ADAM32: variants seen among roughly 807,000 people sequenced by gnomAD.
ADAM32 encodes the protein disintegrin and metalloproteinase domain-containing protein 32.
A neutral mutation model predicts 114.9 loss-of-function variants in ADAM32; 89 were observed. The observed-to-expected ratio is 0.77, with a 90% CI of 0.65 to 0.92. The LOEUF (loss-of-function observed/expected upper bound fraction) is 0.92, where lower values mean the gene tolerates loss of function less well. Ranked by LOEUF, ADAM32 falls within the 40% of genes least tolerant of loss-of-function variation. The pLI is 0.00. For missense variants in ADAM32, 870 were observed against 932.8 expected (o/e 0.93, Z 0.88); for synonymous variants, 285 against 307.5 (o/e 0.93, Z 0.77).
chr8:39,184,315 G>A lies in ADAM32; in HGVS notation c.916-2594G>A, dbSNP rs565606014. Among the ~76,000 whole-genome samples the A allele has an allele frequency of 6.6e-5, 10 of 152,142 alleles. No homozygotes were observed. The South Asian group carries it at 2.1e-3, about 32-fold the overall frequency. On this transcript the variant is annotated intron_variant, in intron 10 of 24. Coordinates refer to ENST00000379907, the MANE Select transcript of ADAM32 (RefSeq NM_145004.7). ...GAGCAGTTCCAGGCACTTCCTCTTG[G>A]CCCTCCCTATCATAACATGTCTCAC...
At chr8:39,244,250 A>C (rs1810749155) in intron 16 of ADAM32, among the ~76,000 whole-genome samples, 1 of 152,244 alleles carries the variant, frequency 6.6e-6, no homozygotes, top group African/African-American at 2.4e-5. Context: ...CATTCTTCAC[A>C]GAACTGGAAA....
chr8:39,203,265 C>CT lies in ADAM32; in HGVS notation c.1053-7878dup, dbSNP rs2129447942. On this transcript the variant is annotated intron_variant, in intron 11 of 24. Transcript: ENST00000379907. ...TCTCCCATTATTATTGTGTGGGAGT[C>CT]TAAGTCTCTTTGTAGGTCTCTAAGG... Among the ~76,000 whole-genome samples the CT allele has an allele frequency of 1.3e-5, 2 of 152,282 alleles. 1 individual carries two copies. The highest frequency in any genetic ancestry group is 4.1e-4 in the South Asian group (2 of 4,824).
At chr8:39,186,853 T>G (rs1585488743) in intron 10 of ADAM32, 56 bp from the exon 11 acceptor site, 1 of 1,391,610 alleles carries the variant, frequency 7.2e-7, no homozygotes, top group East Asian at 2.4e-5. Flanking sequence ...GAAAATTATT[T>G]TTACCACCCT....
At chr8:39,234,417 T>C (rs544103508) in intron 16 of ADAM32, among the ~76,000 whole-genome samples, 1 of 152,190 alleles carries the variant, frequency 6.6e-6, no homozygotes, top group Non-Finnish European at 1.5e-5. Flanking sequence ...AGAAGAAATC[T>C]CACTTAGTAA....
intron 11 of ADAM32, among the ~76,000 whole-genome samples, chr8:39,193,842 G>T (rs1297684741): frequency 6.6e-6 from 1 of 152,106 alleles, no homozygotes; most frequent in Non-Finnish European, 1.5e-5. Flanking sequence ...TTGTTCTCTG[G>T]CTCCTTGAGA....
At chr8:39,217,182 A>G (rs1242988047) in intron 12 of ADAM32, among the ~76,000 whole-genome samples, 1 of 151,990 alleles carries the variant, frequency 6.6e-6, no homozygotes, top group Non-Finnish European at 1.5e-5. Context: ...TAAATATGTC[A>G]TGCCACTCTC....
intron 10 of ADAM32, among the ~76,000 whole-genome samples, chr8:39,179,068 TG>T (rs1343005970): frequency 6.6e-6 from 1 of 152,090 alleles, no homozygotes; most frequent in Non-Finnish European, 1.5e-5. Context: ...GTGCTGTGTT[TG>T]GGGGAGCCCT....
intron 2 of ADAM32, among the ~76,000 whole-genome samples, chr8:39,122,797 G>C (rs1801856105): frequency 6.6e-6 from 1 of 152,140 alleles, no homozygotes; most frequent in Admixed American, 6.5e-5. Context: ...TTGAACTCCT[G>C]ACCTCAAGTG....
intron 11 of ADAM32, among the ~76,000 whole-genome samples, chr8:39,196,288 G>A (rs1303168743): frequency 6.6e-6 from 1 of 152,076 alleles, no homozygotes; most frequent in East Asian, 1.9e-4. Context: ...CCTACAAGGA[G>A]GGAAAATTTG....
chr8:39,108,143 G>A (rs1188804995), intron 1 of ADAM32: 2 of 275,678 alleles, frequency 7.3e-6, no homozygotes, highest in African/African-American at 2.2e-5. Flanking sequence ...AAAATGTTCC[G>A]AGGTGGTGGT....
intron 6 of ADAM32, among the ~76,000 whole-genome samples, chr8:39,156,036 T>C (rs1377712322): frequency 6.6e-6 from 1 of 152,194 alleles, no homozygotes; most frequent in African/African-American, 2.4e-5. Flanking sequence ...TAATACAATG[T>C]ACAAGCTATT....
At chr8:39,281,574 G>A (rs1312748678) in intron 23 of ADAM32, among the ~76,000 whole-genome samples, 2 of 152,138 alleles carry the variant, frequency 1.3e-5, no homozygotes, top group Non-Finnish European at 2.9e-5. Context: ...ACAACTGAGC[G>A]AATGATTATT....
chr8:39,115,589 T>TA (rs1840342203), intron 1 of ADAM32, among the ~76,000 whole-genome samples: 1 of 141,796 alleles, frequency 7.1e-6, no homozygotes, highest in South Asian at 2.2e-4. Context: ...TTTTAATGGG[T>TA]TTTTTTTTTT....
chr8:39,278,545 T>G (rs57284236), intron 22 of ADAM32, among the ~76,000 whole-genome samples: 46 of 152,278 alleles, frequency 3.0e-4, no homozygotes, highest in African/African-American at 1.0e-3. Context: ...CTTTGACAAT[T>G]TATCAGCAAA....
At chr8:39,180,744 G>T (rs1388482760) in intron 10 of ADAM32, among the ~76,000 whole-genome samples, 1 of 151,698 alleles carries the variant, frequency 6.6e-6, no homozygotes, top group Non-Finnish European at 1.5e-5. Context: ...TTGACACTCT[G>T]TATCTAGCTG....
intron 2 of ADAM32, among the ~76,000 whole-genome samples, chr8:39,121,516 G>A (rs997856202): frequency 1.3e-5 from 2 of 152,110 alleles, no homozygotes; most frequent in African/African-American, 4.8e-5. Flanking sequence ...GGGTTGATGG[G>A]TGCAGCAAAC....
At chr8:39,283,786 T>G (rs976123936) in intron 24 of ADAM32, among the ~76,000 whole-genome samples, 162 bp downstream of exon 24, 4 of 150,104 alleles carry the variant, frequency 2.7e-5, no homozygotes, top group African/African-American at 9.8e-5. Flanking sequence ...TTTTTTTTTT[T>G]TTTTTAAGAC....
chr8:39,278,059 A>T (rs1025242879), intron 22 of ADAM32, among the ~76,000 whole-genome samples: 2 of 152,186 alleles, frequency 1.3e-5, no homozygotes, highest in African/African-American at 4.8e-5. Flanking sequence ...TTATTGAATA[A>T]TGAAAGTGGC....
intron 19 of ADAM32, among the ~76,000 whole-genome samples, chr8:39,264,015 T>A (rs1261265612): frequency 1.3e-5 from 2 of 152,162 alleles, no homozygotes; most frequent in African/African-American, 4.8e-5. Flanking sequence ...ATGATAAAGG[T>A]ATCTGTAACC....
Sources: allele counts gnomAD v4.1 joint callset (sites outside exome capture counted in the v4.1 genomes callset), GRCh38; gene constraint gnomAD v4.1.1; transcripts MANE v1.5; gene names NCBI Gene and HGNC (gene_info 2026-07-23, HGNC 2026-07-21).